The following OPTN variants were observed in gnomAD, a reference collection of about 807,000 sequenced individuals.
OPTN encodes the protein optineurin, also known as E3-14.7K-interacting protein.
A neutral mutation model predicts 70.4 loss-of-function variants in OPTN; 54 were observed. The observed-to-expected ratio is 0.77, with a 90% CI of 0.62 to 0.96. The LOEUF (loss-of-function observed/expected upper bound fraction) is 0.96. Among genes scored for constraint, OPTN ranks in the 40% least tolerant of loss-of-function variants. OPTN has a pLI of 0.00. For synonymous variants in OPTN, 256 were observed against 248.5 expected, an observed-to-expected ratio of 1.03 and a Z score of -0.28; for missense variants, 624 against 673.2, an observed-to-expected ratio of 0.93 and a Z score of 0.81.
intron 5 of OPTN, among the ~76,000 whole-genome samples, chr10:13,114,046 G>A (rs1348678884): frequency 6.6e-6 from 1 of 151,850 alleles, no homozygotes; most frequent in Non-Finnish European, 1.5e-5. Flanking sequence ...CAGCCTGGGT[G>A]ACAGAGCAAG....
At chr10:13,133,218 A>G (rs1833629543) in intron 13 of OPTN, among the ~76,000 whole-genome samples, 1 of 152,198 alleles carries the variant, frequency 6.6e-6, no homozygotes, top group Non-Finnish European at 1.5e-5. Flanking sequence ...GTAATTTATT[A>G]TACTTCATTG....
chr10:13,120,433 C>T (rs570429546), intron 7 of OPTN, among the ~76,000 whole-genome samples: 3 of 151,966 alleles, frequency 2.0e-5, no homozygotes, highest in African/African-American at 4.8e-5. Flanking sequence ...TCTGAGAAAC[C>T]GTTGCCTAAC....
intron 1 of OPTN, among the ~76,000 whole-genome samples, chr10:13,102,321 CTTG>C (rs1489513288): frequency 6.6e-6 from 1 of 152,158 alleles, no homozygotes; most frequent in Non-Finnish European, 1.5e-5. Flanking sequence ...CCACGTTTGT[CTTG>C]TTAAGAAACT....
chr10:13,100,986 G>GT (rs1832731279), intron 1 of OPTN, among the ~76,000 whole-genome samples: 1 of 152,248 alleles, frequency 6.6e-6, no homozygotes, highest in African/African-American at 2.4e-5. Context: ...GCATAGAAAA[G>GT]TAAGGCAATG....
chr10:13,109,671 TAA>T (rs34623086), intron 3 of OPTN: 109 of 130,722 alleles, frequency 8.3e-4, no homozygotes, highest in Admixed American at 2.1e-3. Flanking sequence ...ACAAAAAAAT[TAA>T]AAAAAAAAAA....
Position 13,110,289 on chromosome 10 carries a change from A to T in OPTN, c.182A>T (p.Asn61Ile). The change falls in exon 4 of 15, where the codon AAT (asparagine) becomes ATT (isoleucine). Residue 61 changes from asparagine to isoleucine, a missense_variant. Asn to Ile is a moderately radical substitution (Grantham distance 149). Coordinates refer to ENST00000378747, the MANE Select transcript of OPTN (RefSeq NM_001008212.2). ...NHQLKEAMKL[N>I]NQAMKGRFEE... Reference sequence around the variant, plus strand: ...CCTCCTGCAGAAGCCATGAAGCTAAATAATCAAGCCATGAAAGGGAGATTT... The same window carrying T: ...CCTCCTGCAGAAGCCATGAAGCTAATTAATCAAGCCATGAAAGGGAGATTT... The T allele has an allele frequency of 6.2e-7, 1 of 1,614,098 alleles. No individual in the cohort carries two copies. Among genetic ancestry groups the T allele is most frequent in the Non-Finnish European group, 8.5e-7 (1 of 1,180,024 alleles).
chr10:13,101,056 A>G (rs1031077942), intron 1 of OPTN, among the ~76,000 whole-genome samples: 9 of 152,136 alleles, frequency 5.9e-5, no homozygotes, highest in Admixed American at 3.3e-4. Context: ...GAACAGAAGA[A>G]CCCACCTTGC....
At chr10:13,110,237 C>T in intron 3 of OPTN, 37 bp from the exon 4 acceptor site, 2 of 1,609,796 alleles carry the variant, frequency 1.2e-6, no homozygotes, top group Non-Finnish European at 8.5e-7. Context: ...AGTCCACTTT[C>T]CTGGTGTGTG....
rs180820586 is a variant in OPTN, at chr10:13,121,026, C to T, written c.780-1359C>T. ...TCTCATGAGAACTCACTCACTATCA[C>T]GAGAACAGCATGGAGGAAACTGCCC... On this transcript the variant is annotated intron_variant, in intron 7 of 14. Transcript: ENST00000378747. Among the ~76,000 whole-genome samples, 32 of 152,268 alleles carry T rather than the reference C, an allele frequency of 2.1e-4. No homozygotes were observed. The East Asian group carries it at 5.2e-3, about 25-fold the overall frequency.
At chr10:13,120,190 A>T (rs1353338351) in intron 7 of OPTN, among the ~76,000 whole-genome samples, 1 of 149,972 alleles carries the variant, frequency 6.7e-6, no homozygotes, top group Non-Finnish European at 1.5e-5. Context: ...GGGTTTCACC[A>T]TGTTAGCCAG....
intron 7 of OPTN, among the ~76,000 whole-genome samples, chr10:13,120,570 CAAAA>C (rs757531804): frequency 4.0e-5 from 3 of 75,420 alleles, no homozygotes; most frequent in Admixed American, 1.5e-4. Context: ...GACTCTGTCT[CAAAA>C]AAAAAAAAAA....
chr10:13,106,356 T>C (rs1832864559), intron 1 of OPTN, among the ~76,000 whole-genome samples: 1 of 152,262 alleles, frequency 6.6e-6, no homozygotes, highest in Non-Finnish European at 1.5e-5. Flanking sequence ...CAGATTATTT[T>C]TGTGAGAAGA....
chr10:13,126,529 C>G (rs1040360763), intron 11 of OPTN, among the ~76,000 whole-genome samples: 2 of 152,122 alleles, frequency 1.3e-5, no homozygotes, highest in African/African-American at 4.8e-5. Flanking sequence ...ATCCACCCGC[C>G]TCGGCCTCCC....
chr10:13,114,814 TTATATAATTATA>T (rs1554768964), intron 5 of OPTN, among the ~76,000 whole-genome samples: 2 of 66,690 alleles, frequency 3.0e-5, no homozygotes, highest in African/African-American at 1.3e-4. Flanking sequence ...ATATATATAA[TTATATAATTATA>T]TAATTATATA....
intron 7 of OPTN, among the ~76,000 whole-genome samples, chr10:13,120,526 T>G (rs1175977470): frequency 6.7e-6 from 1 of 149,642 alleles, no homozygotes; most frequent in Non-Finnish European, 1.5e-5. Context: ...AAATTACAGT[T>G]GGCCACCGCA....
chr10:13,133,401 T>G, intron 13 of OPTN, 101 bp from the exon 14 acceptor site: 1 of 986,978 alleles, frequency 1.0e-6, no homozygotes, highest in Non-Finnish European at 1.6e-6. Context: ...GGCAGTGTAG[T>G]TTGAGTCTTT....
At chr10:13,136,672 A>G in intron 14 of OPTN, 73 bp from the exon 15 acceptor site, 1 of 1,592,672 alleles carries the variant, frequency 6.3e-7, no homozygotes, top group Non-Finnish European at 8.6e-7. Flanking sequence ...AAAACTCGCC[A>G]TCTGTTCTTC....
chr10:13,116,233 T>G, intron 5 of OPTN, 34 bp from the exon 6 acceptor site: 4 of 1,316,352 alleles, frequency 3.0e-6, no homozygotes, highest in Non-Finnish European at 4.4e-6. Flanking sequence ...TGTAGACATA[T>G]TGTGTTAAAT....
chr10:13,101,153 C>T (rs751601293), intron 1 of OPTN, among the ~76,000 whole-genome samples: 3 of 152,176 alleles, frequency 2.0e-5, no homozygotes, highest in Non-Finnish European at 4.4e-5. Context: ...GGAGAAGTCC[C>T]AGGGCAGACC....
Sources: allele counts gnomAD v4.1 joint callset (sites outside exome capture counted in the v4.1 genomes callset), GRCh38; gene constraint gnomAD v4.1.1; transcripts MANE v1.5; gene names NCBI Gene and HGNC (gene_info 2026-07-23, HGNC 2026-07-21).